The following LDLRAD4 variants were observed in gnomAD, a reference collection of about 807,000 sequenced individuals.
LDLRAD4 encodes low-density lipoprotein receptor class A domain-containing protein 4.
LDLRAD4 carries 5 observed loss-of-function variants against 17.0 expected under a neutral mutation model. The observed-to-expected ratio is 0.29, with a 90% CI of 0.15 to 0.62. LDLRAD4 has a LOEUF of 0.62. Ranked by LOEUF, LDLRAD4 falls within the 20% of genes least tolerant of loss-of-function variation. The pLI is 0.84. For missense variants in LDLRAD4, 340 were observed against 424.7 expected (o/e 0.80, Z 1.75); for synonymous variants, 168 against 171.8 (o/e 0.98, Z 0.17).
chr18:13,633,612 C>T lies in LDLRAD4; in HGVS notation c.337-9747C>T, dbSNP rs563668123. 2.6e-5 allele frequency among the ~76,000 whole-genome samples: 4 copies of T among 152,336 alleles called. No homozygotes were observed. The East Asian group carries it at 7.7e-4, about 29-fold the overall frequency. On this transcript the variant is annotated intron_variant, in intron 4 of 5. Transcript: ENST00000359446. ...CAGCGCTGCCCCAAATTGTGACACA[C>T]CTGGCCAAATTGTGACACACCTGGC...
At chr18:13,444,089 A>G (rs1037812037) in intron 3 of LDLRAD4, among the ~76,000 whole-genome samples, 1 of 152,220 alleles carries the variant, frequency 6.6e-6, no homozygotes, top group African/African-American at 2.4e-5. Flanking sequence ...CGATTTGATT[A>G]CCCTGAAGTG....
intron 3 of LDLRAD4, among the ~76,000 whole-genome samples, chr18:13,495,559 C>G (rs2093451385): frequency 6.6e-6 from 1 of 152,158 alleles, no homozygotes; most frequent in Non-Finnish European, 1.5e-5. Flanking sequence ...GATGGTGTCA[C>G]TAATACTGTG....
exon 2 of LDLRAD4, chr18:13,387,559 G>T: frequency 1.6e-6 from 1 of 645,042 alleles, no homozygotes; most frequent in Non-Finnish European, 2.7e-6. Flanking sequence ...GGTACCGCCC[G>T]CCCGCGCGAG....
chr18:13,409,162 T>TTTTG (rs946624185), intron 2 of LDLRAD4, among the ~76,000 whole-genome samples: 5 of 152,278 alleles, frequency 3.3e-5, no homozygotes, highest in South Asian at 4.2e-4. Flanking sequence ...GTTTATTGTT[T>TTTTG]TTTGTTTGTT....
intron 3 of LDLRAD4, among the ~76,000 whole-genome samples, chr18:13,562,103 A>G (rs28527459): frequency 0.31 from 47,307 of 151,878 alleles, 8,836 homozygotes; most frequent in African/African-American, 0.52. Context: ...CGTGGTCCTG[A>G]CTCAGTGTTT....
chr18:13,218,333 C>G (rs2041263682), upstream of LDLRAD4, among the ~76,000 whole-genome samples: 1 of 152,308 alleles, frequency 6.6e-6, no homozygotes, highest in Non-Finnish European at 1.5e-5. Context: ...GGGGCTGGCC[C>G]GCGGGCGGGG....
chr18:13,233,246 T>C (rs981073968), intron 1 of LDLRAD4, among the ~76,000 whole-genome samples: 3 of 152,238 alleles, frequency 2.0e-5, no homozygotes, highest in African/African-American at 4.8e-5. Flanking sequence ...AGATACGTTC[T>C]CTGCTACTGG....
chr18:13,642,507 C>A, intron 4 of LDLRAD4: 1 of 1,225,038 alleles, frequency 8.2e-7, no homozygotes, highest in South Asian at 4.3e-5. Flanking sequence ...GATGCTAACT[C>A]ACCAGATGTG....
chr18:13,641,945 G>A (rs2042599987), intron 4 of LDLRAD4: 1 of 985,368 alleles, frequency 1.0e-6, no homozygotes, highest in Admixed American at 6.1e-5. Flanking sequence ...GGCTCCCGGA[G>A]CGAGGAGCGC....
At chr18:13,271,694 C>T (rs561068384) in intron 1 of LDLRAD4, among the ~76,000 whole-genome samples, 2 of 152,142 alleles carry the variant, frequency 1.3e-5, no homozygotes, top group Non-Finnish European at 1.5e-5. Context: ...GAATTTTTGA[C>T]GCGCAGGAGG....
intron 3 of LDLRAD4, among the ~76,000 whole-genome samples, chr18:13,577,380 G>A (rs760124007): frequency 2.0e-5 from 3 of 152,148 alleles, no homozygotes; most frequent in Non-Finnish European, 2.9e-5. Context: ...CTCCAAGCGC[G>A]GCTGTGTTGA....
chr18:13,621,480 C>G lies in LDLRAD4; in HGVS notation c.336+209C>G, dbSNP rs568848213. On this transcript the variant is annotated intron_variant, in intron 4 of 5. Transcript: ENST00000359446. The surrounding 1 kb of genome is among the most constrained non-coding windows in gnomAD (Gnocchi z 5.5). ...TGAACATACAGACACAGCAGTCCCC[C>G]CAGAAGCCTGCGTGACCCCTCCCAG... Among the ~76,000 whole-genome samples the G allele has an allele frequency of 6.6e-6, 1 of 152,344 alleles. No individual in the cohort carries two copies. The highest frequency in any genetic ancestry group is 2.1e-4 in the South Asian group (1 of 4,832).
intron 1 of LDLRAD4, among the ~76,000 whole-genome samples, chr18:13,269,923 C>G (rs1463136422): frequency 6.6e-6 from 1 of 152,210 alleles, no homozygotes; most frequent in Non-Finnish European, 1.5e-5. Context: ...ACTCGAATAG[C>G]TGCCTTCACA....
intron 1 of LDLRAD4, among the ~76,000 whole-genome samples, chr18:13,338,391 C>T (rs2082213382): frequency 7.0e-6 from 1 of 143,816 alleles, no homozygotes; most frequent in Non-Finnish European, 1.5e-5. Flanking sequence ...AGTGGCTGAG[C>T]TTCCTGAAAC....
intron 1 of LDLRAD4, among the ~76,000 whole-genome samples, chr18:13,327,703 T>C (rs866120932): frequency 2.6e-5 from 4 of 151,938 alleles, no homozygotes; most frequent in Admixed American, 6.6e-5. Context: ...AGAAAGAAAG[T>C]AGGTGGCCAT....
At chr18:13,503,126 T>C (rs1410592376) in intron 3 of LDLRAD4, among the ~76,000 whole-genome samples, 1 of 152,238 alleles carries the variant, frequency 6.6e-6, no homozygotes, top group African/African-American at 2.4e-5. Flanking sequence ...TGTTGTGTGA[T>C]AAAACGTTTA....
intron 3 of LDLRAD4, among the ~76,000 whole-genome samples, chr18:13,443,284 G>A (rs2091152066): frequency 6.6e-6 from 1 of 152,120 alleles, no homozygotes; most frequent in South Asian, 2.1e-4. Context: ...CTTGTCACCT[G>A]TAGGCACCAA....
chr18:13,308,561 C>G (rs1046228337), intron 1 of LDLRAD4, among the ~76,000 whole-genome samples: 1 of 152,128 alleles, frequency 6.6e-6, no homozygotes, highest in Admixed American at 6.5e-5. Flanking sequence ...GGTGCCTGTT[C>G]GACCACATCC....
chr18:13,270,104 T>C (rs1018406642), intron 1 of LDLRAD4, among the ~76,000 whole-genome samples: 1 of 152,182 alleles, frequency 6.6e-6, no homozygotes, highest in African/African-American at 2.4e-5. Flanking sequence ...GGCTCACATC[T>C]GACATCTTAG....
Sources: allele counts gnomAD v4.1 joint callset (sites outside exome capture counted in the v4.1 genomes callset), GRCh38; gene constraint gnomAD v4.1.1; non-coding constraint Gnocchi (gnomAD v3.1); transcripts MANE v1.5; gene names NCBI Gene and HGNC (gene_info 2026-07-23, HGNC 2026-07-21).